ITGAM: variants seen among roughly 807,000 people sequenced by gnomAD.
ITGAM encodes integrin subunit alpha M.
Under a neutral mutation model 137.5 loss-of-function variants are expected in ITGAM, and 79 were observed. The ratio of observed to expected loss-of-function variants is 0.57; its 90% confidence interval spans 0.48 to 0.69. The LOEUF is 0.69. ITGAM is among the 30% of genes least tolerant of loss of function. The pLI, the probability that ITGAM is intolerant of heterozygous loss-of-function variation, is 0.00. For synonymous variants in ITGAM, 583 were observed against 592.3 expected (o/e 0.98, Z 0.23); for missense variants, 1,343 against 1,483.5 (o/e 0.91, Z 1.56).
At chr16:31,296,196 C>T (rs987584573) in intron 12 of ITGAM, among the ~76,000 whole-genome samples, 1 of 151,394 alleles carries the variant, frequency 6.6e-6, no homozygotes, top group Middle Eastern at 3.2e-3. Flanking sequence ...GCTCCACCTC[C>T]CAGGTTCACG....
chr16:31,331,308 C>T (rs1451612668), intron 29 of ITGAM, 33 bp downstream of exon 29: 8 of 1,195,396 alleles, frequency 6.7e-6, no homozygotes, highest in Non-Finnish European at 8.7e-6. Flanking sequence ...CCCCTCCCTT[C>T]ATCCTCTCGG....
rs561298861 is a variant in ITGAM, at chr16:31,276,488, C to T, written c.1010-183C>T. Among the ~76,000 whole-genome samples the T allele has an allele frequency of 3.7e-4, 57 of 152,162 alleles. No homozygotes were observed. The East Asian group carries it at 6.4e-3, about 17-fold the overall frequency. On this transcript the variant is annotated intron_variant, in intron 9 of 29. Transcript: ENST00000544665. Reference sequence around the variant, plus strand: ...CTGGGATTACAGGCGCATACCACCACGCCCAGCTAATTTTTGTATTTTTAG... The same window carrying T: ...CTGGGATTACAGGCGCATACCACCATGCCCAGCTAATTTTTGTATTTTTAG...
intron 14 of ITGAM, among the ~76,000 whole-genome samples, chr16:31,306,095 T>A (rs760423896): frequency 3.3e-5 from 5 of 152,152 alleles, no homozygotes; most frequent in Non-Finnish European, 5.9e-5. Flanking sequence ...GGTCCTGGGC[T>A]CTTTCTGATT....
intron 11 of ITGAM, among the ~76,000 whole-genome samples, 165 bp downstream of exon 11, chr16:31,277,214 G>C (rs1241514635): frequency 6.6e-6 from 1 of 150,714 alleles, no homozygotes; most frequent in Non-Finnish European, 1.5e-5. Flanking sequence ...TTTTTTTTTT[G>C]AGGTGGAGTT....
At chr16:31,302,970 TTC>T (rs745720947) in intron 14 of ITGAM, among the ~76,000 whole-genome samples, 46 of 130,348 alleles carry the variant, frequency 3.5e-4, no homozygotes, top group East Asian at 1.4e-3. Flanking sequence ...CTTTCTTTCT[TTC>T]TTTCTTTCTT....
At chr16:31,278,645 T>C (rs561559174) in intron 12 of ITGAM, among the ~76,000 whole-genome samples, 25 of 152,224 alleles carry the variant, frequency 1.6e-4, no homozygotes, top group Non-Finnish European at 3.1e-4. Flanking sequence ...ATGTGGGAAC[T>C]AGCGAGTGAG....
rs144061410 is a variant in ITGAM at position 31,304,294 on chromosome 16, C to A, written c.1707+6340C>A. On this transcript the variant is annotated intron_variant, in intron 14 of 29. Transcript: ENST00000544665. ...AGAATTGTCTATTCATATCCTTTGC[C>A]TACTTTTTGATGGGATTATTTGTTT... Among the ~76,000 whole-genome samples, 142 of 152,104 alleles carry A rather than the reference C, an allele frequency of 9.3e-4. 1 individual carries two copies. Among genetic ancestry groups the A allele is most frequent in the Non-Finnish European group, 1.6e-3 (107 of 67,980 alleles).
chr16:31,329,079 A>AT, intron 23 of ITGAM, 149 bp from the exon 24 acceptor site: 1 of 49,454 alleles, frequency 2.0e-5, no homozygotes, highest in Non-Finnish European at 4.0e-5. Context: ...TGGTTCCCCC[A>AT]TCCCCCTGCA....
chr16:31,322,290 TA>T (rs1279657819), intron 16 of ITGAM, among the ~76,000 whole-genome samples: 2 of 152,070 alleles, frequency 1.3e-5, no homozygotes, highest in African/African-American at 4.8e-5. Context: ...GACCCATCCC[TA>T]AAAAATGATT....
At chr16:31,262,226 C>G (rs1388982774) in intron 2 of ITGAM, among the ~76,000 whole-genome samples, 2 of 151,890 alleles carry the variant, frequency 1.3e-5, no homozygotes, top group Non-Finnish European at 2.9e-5. Context: ...GTTTATTGCC[C>G]TTCCCTCCCT....
chr16:31,270,743 A>ATATATATATAT (rs1475429642), intron 5 of ITGAM, among the ~76,000 whole-genome samples: 1 of 106,194 alleles, frequency 9.4e-6, no homozygotes, highest in Non-Finnish European at 1.8e-5. Context: ...ATATATATAT[A>ATATATATATAT]TGTTTTTAAC....
chr16:31,301,771 G>T (rs2080199657), intron 14 of ITGAM, among the ~76,000 whole-genome samples: 1 of 152,058 alleles, frequency 6.6e-6, no homozygotes, highest in Non-Finnish European at 1.5e-5. Flanking sequence ...TTTATAAAAG[G>T]TAGTATTCTA....
chr16:31,306,078 A>G (rs1487213731), intron 14 of ITGAM, among the ~76,000 whole-genome samples: 1 of 151,848 alleles, frequency 6.6e-6, no homozygotes, highest in Non-Finnish European at 1.5e-5. Context: ...CAGCTGTGAA[A>G]CCTTCTGGTC....
chr16:31,261,938 C>T (rs1481472905), intron 2 of ITGAM, 141 bp downstream of exon 2: 10 of 604,474 alleles, frequency 1.7e-5, no homozygotes, highest in South Asian at 3.9e-5. Flanking sequence ...TTTGAATTTA[C>T]AGTATTCTAA....
intron 24 of ITGAM, 104 bp downstream of exon 24, chr16:31,329,407 G>A (rs1258304794): frequency 7.0e-6 from 6 of 862,892 alleles, no homozygotes; most frequent in Non-Finnish European, 3.8e-6. Context: ...GGCACCTGTG[G>A]TGTGCCAGGC....
At chr16:31,312,931 C>T in intron 14 of ITGAM, among the ~76,000 whole-genome samples, 1 of 143,784 alleles carries the variant, frequency 7.0e-6, no homozygotes, top group Non-Finnish European at 1.5e-5. Flanking sequence ...TTTTAAATTA[C>T]ACATTGGGCC....
At chr16:31,325,206 G>C in intron 19 of ITGAM, 57 bp from the exon 20 acceptor site, 2 of 1,565,774 alleles carry the variant, frequency 1.3e-6, no homozygotes, top group African/African-American at 1.4e-5. Context: ...GCTGGAGCAG[G>C]CTTGCCACAG....
At chr16:31,289,803 C>T (rs2080067750) in intron 12 of ITGAM, among the ~76,000 whole-genome samples, 3 of 152,022 alleles carry the variant, frequency 2.0e-5, no homozygotes, top group South Asian at 2.1e-4. Flanking sequence ...TACAACTGGC[C>T]GGGCCCAGTG....
chr16:31,310,619 A>G (rs1224923740), intron 14 of ITGAM, among the ~76,000 whole-genome samples: 1 of 151,924 alleles, frequency 6.6e-6, no homozygotes, highest in East Asian at 1.9e-4. Context: ...AAAGTTTTTA[A>G]CTTCTTTGCC....
Sources: gnomAD v4.1 joint callset for allele counts (sites outside exome capture counted in the v4.1 genomes callset) on GRCh38, gnomAD v4.1.1 for gene constraint, MANE v1.5 for transcripts, NCBI Gene and HGNC (gene_info 2026-07-23, HGNC 2026-07-21) for gene names.